Variants in BABAM2 observed in about 807,000 individuals in gnomAD.
BABAM2 encodes the protein BRISC and BRCA1 A complex member 2.
In BABAM2, 31 loss-of-function variants were observed where a neutral mutation model predicts 54.7. The observed-to-expected ratio is 0.57, with a 90% CI of 0.43 to 0.77. The LOEUF (loss-of-function observed/expected upper bound fraction) is 0.77, where lower values mean the gene tolerates loss of function less well. BABAM2 is among the 30% of genes least tolerant of loss of function. The probability of loss-of-function intolerance (pLI) is 0.00; values close to 1 mark genes in which losing one functional copy is unlikely to be tolerated. For missense variants in BABAM2, 364 were observed against 455.8 expected (o/e 0.80, Z 1.83); for synonymous variants, 167 against 162.9 (o/e 1.03, Z -0.19).
At chr2:28,168,789 G>GT (rs1179933990) in intron 7 of BABAM2, among the ~76,000 whole-genome samples, 3 of 152,286 alleles carry the variant, frequency 2.0e-5, no homozygotes, top group African/African-American at 7.2e-5. Flanking sequence ...TGTCTTCACA[G>GT]TTTTTTTCCC....
At chr2:27,952,700 C>T (rs973343780) in intron 3 of BABAM2, among the ~76,000 whole-genome samples, 8 of 152,176 alleles carry the variant, frequency 5.3e-5, no homozygotes, top group African/African-American at 1.9e-4. Flanking sequence ...GTTACAGGCA[C>T]TCCAGACCAG....
chr2:28,184,052 T>C (rs113609587), intron 7 of BABAM2, among the ~76,000 whole-genome samples: 1 of 152,204 alleles, frequency 6.6e-6, no homozygotes, highest in Non-Finnish European at 1.5e-5. Flanking sequence ...AGGAGATAAG[T>C]ACACACTTGC....
intron 5 of BABAM2, among the ~76,000 whole-genome samples, chr2:28,041,440 A>G (rs1406547646): frequency 6.6e-6 from 1 of 152,228 alleles, no homozygotes; most frequent in Non-Finnish European, 1.5e-5. Context: ...TTGCCTCAAC[A>G]TCCCCAGGAA....
rs113334230 is a variant in BABAM2, at chr2:28,327,240, C to T, written c.1089-11210C>T. ...TCCCTCCATTTAGCCAGCTGGCCCT[C>T]CCTTCTCCTCCTCCTTCTCATCTGC... On this transcript the variant is annotated intron_variant, in intron 11 of 11. Transcript: ENST00000379624. 424 of 1,574,716 alleles carry T rather than the reference C, an allele frequency of 2.7e-4. 1 individual carries two copies. In the African/African-American group the frequency reaches 5.2e-3, roughly 19 times the overall value.
chr2:28,259,280 G>C (rs1273143936), intron 10 of BABAM2, among the ~76,000 whole-genome samples: 1 of 150,206 alleles, frequency 6.7e-6, no homozygotes, highest in Non-Finnish European at 1.5e-5. Flanking sequence ...TAGAGACAGA[G>C]TTTCACCATG....
chr2:28,129,223 A>G, intron 6 of BABAM2, 48 bp from the exon 7 acceptor site: 1 of 1,508,096 alleles, frequency 6.6e-7, no homozygotes, highest in Non-Finnish European at 9.2e-7. Flanking sequence ...CACTAATAAG[A>G]TGTTAGGAGA....
chr2:28,113,105 C>T (rs902843542), intron 6 of BABAM2, among the ~76,000 whole-genome samples: 2 of 152,156 alleles, frequency 1.3e-5, no homozygotes, highest in African/African-American at 4.8e-5. Context: ...GATATTAGCT[C>T]TTTGTCAGAT....
rs527821129 is a variant in BABAM2 at position 28,227,165 on chromosome 2, T to C, written c.681-10037T>C. Among the ~76,000 whole-genome samples, 70 of 152,066 alleles carry C rather than the reference T, an allele frequency of 4.6e-4. No individual in the cohort carries two copies. In the South Asian group the frequency reaches 0.014, roughly 31 times the overall value. On this transcript the variant is annotated intron_variant, in intron 7 of 11. Transcript: ENST00000379624. Reference sequence around the variant, plus strand: ...TTTTTTTTTTAATCTCCAGAACATCTCTCACTTTACAACTAAACAGAACTT... The same window carrying C: ...TTTTTTTTTTAATCTCCAGAACATCCCTCACTTTACAACTAAACAGAACTT...
chr2:28,252,607 T>C (rs907765257), intron 10 of BABAM2, among the ~76,000 whole-genome samples: 3 of 152,230 alleles, frequency 2.0e-5, no homozygotes, highest in African/African-American at 7.2e-5. Flanking sequence ...GACACTAGTT[T>C]GAGAACTTAC....
chr2:27,999,322 C>T (rs1475194271), intron 4 of BABAM2, among the ~76,000 whole-genome samples: 1 of 151,906 alleles, frequency 6.6e-6, no homozygotes, highest in Non-Finnish European at 1.5e-5. Flanking sequence ...GCTGACTCTT[C>T]AAGCAGGAGT....
chr2:28,112,182 C>CTTCCTTCCTTCCTT (rs1189482940), intron 6 of BABAM2, among the ~76,000 whole-genome samples: 2 of 68,034 alleles, frequency 2.9e-5, no homozygotes, highest in Admixed American at 3.3e-4. Flanking sequence ...TCCCTCCCTC[C>CTTCCTTCCTTCCTT]CTCCCTCCCT....
At chr2:28,153,197 C>T (rs1446515554) in intron 7 of BABAM2, among the ~76,000 whole-genome samples, 2 of 151,942 alleles carry the variant, frequency 1.3e-5, no homozygotes, top group African/African-American at 4.8e-5. Context: ...CTTGGATGTT[C>T]CTCCTTACAG....
At position 27,996,119 on chromosome 2, in the gene BABAM2, A is replaced by G. The variant is rs539340191; in HGVS notation, c.300+8032A>G. ...TCGTTTGCTTTTTTCTTGGTTATCC[A>G]TCATGTGGTTCTGTTTTTGGTGTTT... On this transcript the variant is annotated intron_variant, in intron 4 of 11. Transcript: ENST00000379624. Among the ~76,000 whole-genome samples, 9 of 152,240 alleles carry G rather than the reference A, an allele frequency of 5.9e-5. No individual in the cohort carries two copies. The South Asian group carries it at 1.9e-3, about 32-fold the overall frequency.
chr2:27,909,398 C>T (rs574512091), intron 2 of BABAM2, among the ~76,000 whole-genome samples: 28 of 152,084 alleles, frequency 1.8e-4, no homozygotes, highest in African/African-American at 6.3e-4. Context: ...AGTCTTTTGC[C>T]CATTAAAAAA....
At chr2:27,927,214 T>G (rs1190839814) in intron 2 of BABAM2, among the ~76,000 whole-genome samples, 1 of 152,116 alleles carries the variant, frequency 6.6e-6, no homozygotes, top group Non-Finnish European at 1.5e-5. Flanking sequence ...ATAAAAAGTG[T>G]GGCCCAATAA....
chr2:28,178,984 TGAA>T (rs534082498), intron 7 of BABAM2, among the ~76,000 whole-genome samples: 71 of 152,170 alleles, frequency 4.7e-4, no homozygotes, highest in African/African-American at 1.4e-3. Context: ...ACTACAAGAT[TGAA>T]TCCGTAATAA....
chr2:27,937,241 T>G (rs967376254), intron 3 of BABAM2, among the ~76,000 whole-genome samples: 2 of 152,218 alleles, frequency 1.3e-5, no homozygotes, highest in African/African-American at 4.8e-5. Context: ...ATGGTATTGT[T>G]CAGGGAATAA....
At chr2:28,026,805 A>AT (rs1342372223) in intron 5 of BABAM2, among the ~76,000 whole-genome samples, 1 of 76,554 alleles carries the variant, frequency 1.3e-5, no homozygotes, top group South Asian at 2.8e-4. Flanking sequence ...TTATATAAAA[A>AT]ATATATAAAT....
chr2:27,981,840 A>G (rs1242365552), intron 3 of BABAM2, among the ~76,000 whole-genome samples: 1 of 152,120 alleles, frequency 6.6e-6, no homozygotes, highest in Admixed American at 6.6e-5. Flanking sequence ...TTGTGTGGAC[A>G]TGTCTTCACT....
Sources: gnomAD v4.1 joint callset for allele counts (sites outside exome capture counted in the v4.1 genomes callset) on GRCh38, gnomAD v4.1.1 for gene constraint, MANE v1.5 for transcripts, NCBI Gene and HGNC (gene_info 2026-07-23, HGNC 2026-07-21) for gene names.